CNTN4: variants seen among roughly 807,000 people sequenced by gnomAD.
The protein encoded by CNTN4 is contactin 4.
In CNTN4, 77 loss-of-function variants were observed where a neutral mutation model predicts 122.5. The observed-to-expected ratio is 0.63, with a 90% CI of 0.52 to 0.76. The LOEUF is 0.76. Among genes scored for constraint, CNTN4 ranks in the 30% least tolerant of loss-of-function variants. The pLI, the probability that CNTN4 is intolerant of heterozygous loss-of-function variation, is 0.00. For missense variants in CNTN4, 1,256 were observed against 1,259.1 expected (o/e 1.00, Z 0.04); for synonymous variants, 512 against 447.0 (o/e 1.15, Z -1.83).
intron 6 of CNTN4, among the ~76,000 whole-genome samples, chr3:2,757,181 T>C (rs540205922): frequency 6.6e-6 from 1 of 152,312 alleles, no homozygotes; most frequent in East Asian, 1.9e-4. Flanking sequence ...TTTTGAACTT[T>C]ATAAAGTATG....
chr3:2,230,858 C>A (rs2039458503), intron 2 of CNTN4, among the ~76,000 whole-genome samples: 1 of 151,936 alleles, frequency 6.6e-6, no homozygotes, highest in Non-Finnish European at 1.5e-5. Flanking sequence ...CATGGTGGTG[C>A]ACGCCTCTAG....
chr3:3,000,122 G>C (rs1695892876), intron 14 of CNTN4, among the ~76,000 whole-genome samples: 1 of 151,988 alleles, frequency 6.6e-6, no homozygotes. Context: ...TTTAGTGTCA[G>C]GTTGTGATAG....
Position 2,302,617 on chromosome 3 carries a change from A to T in CNTN4, c.-144-36561A>T, listed in dbSNP as rs182024641. Among the ~76,000 whole-genome samples the T allele has an allele frequency of 1.4e-4, 22 of 152,326 alleles. No individual in the cohort carries two copies. The East Asian group carries it at 1.5e-3, about 11-fold the overall frequency. ...TAATGCTCCCGCCTGAAAATCTGTG[A>T]GCCAGATAGTAATAATTAACTTCTA... On this transcript the variant is annotated intron_variant, in intron 2 of 24. Coordinates refer to ENST00000418658, the MANE Select transcript of CNTN4 (RefSeq NM_175607.3).
At chr3:2,281,738 GT>G (rs2041723145) in intron 2 of CNTN4, among the ~76,000 whole-genome samples, 1 of 151,876 alleles carries the variant, frequency 6.6e-6, no homozygotes, top group Admixed American at 6.6e-5. Flanking sequence ...TTACCTTTTT[GT>G]TTATCGTAGT....
chr3:2,586,625 C>T (rs149863711), intron 4 of CNTN4, among the ~76,000 whole-genome samples: 1,534 of 152,294 alleles, frequency 0.01, 11 homozygotes, highest in Non-Finnish European at 0.015. Flanking sequence ...AGTCCCTGTG[C>T]GGAAACTCAA....
At chr3:2,774,039 C>T (rs1350333278) in intron 6 of CNTN4, among the ~76,000 whole-genome samples, 1 of 152,146 alleles carries the variant, frequency 6.6e-6, no homozygotes, top group African/African-American at 2.4e-5. Flanking sequence ...GCATTACAGG[C>T]ATAAGCCACC....
intron 2 of CNTN4, among the ~76,000 whole-genome samples, chr3:2,172,932 A>C (rs1199048913): frequency 6.6e-6 from 1 of 152,176 alleles, no homozygotes; most frequent in Non-Finnish European, 1.5e-5. Flanking sequence ...AAGAAAGGCA[A>C]AGATGATTGA....
rs182246943 is a variant in CNTN4, at chr3:2,135,250, C to T, written c.-145+34611C>T. Among the ~76,000 whole-genome samples the T allele has an allele frequency of 2.7e-3, 408 of 151,986 alleles. 4 individuals carry two copies. The highest frequency in any genetic ancestry group is 9.2e-3 in the African/African-American group (380 of 41,412). On this transcript the variant is annotated intron_variant, in intron 2 of 24. Transcript: ENST00000418658. Reference sequence around the variant, plus strand: ...AGGGCATGAACATAGGATAAAAGCTCGAGACAGGAAGAGATGGGGTTAAAA... The same window carrying T: ...AGGGCATGAACATAGGATAAAAGCTTGAGACAGGAAGAGATGGGGTTAAAA...
At chr3:2,169,119 G>C (rs1027550045) in intron 2 of CNTN4, among the ~76,000 whole-genome samples, 3 of 152,026 alleles carry the variant, frequency 2.0e-5, no homozygotes, top group Non-Finnish European at 4.4e-5. Flanking sequence ...TTTTAGAAAG[G>C]CTGTACGAAG....
At chr3:2,748,412 T>A (rs1456264165) in intron 6 of CNTN4, among the ~76,000 whole-genome samples, 1 of 142,552 alleles carries the variant, frequency 7.0e-6, no homozygotes, top group Admixed American at 6.9e-5. Flanking sequence ...GAAATTGCTT[T>A]AAGTCTTTTT....
chr3:2,580,897 G>A (rs2079905502), intron 4 of CNTN4, among the ~76,000 whole-genome samples: 3 of 152,208 alleles, frequency 2.0e-5, no homozygotes, highest in African/African-American at 7.2e-5. Context: ...ACCAGAGCTT[G>A]TAGAAGTCCA....
At chr3:2,878,832 C>CA (rs1279908335) in intron 8 of CNTN4, among the ~76,000 whole-genome samples, 1 of 151,960 alleles carries the variant, frequency 6.6e-6, no homozygotes, top group African/African-American at 2.4e-5. Context: ...CATGAATAAA[C>CA]AAGAGAATTA....
At chr3:2,388,846 A>G (rs1474468377) in intron 3 of CNTN4, among the ~76,000 whole-genome samples, 1 of 151,200 alleles carries the variant, frequency 6.6e-6, no homozygotes, top group Non-Finnish European at 1.5e-5. Flanking sequence ...TTCTGTCTCA[A>G]ACAAAAAACA....
At chr3:2,556,016 G>A (rs766907713) in intron 3 of CNTN4, among the ~76,000 whole-genome samples, 11 of 152,106 alleles carry the variant, frequency 7.2e-5, no homozygotes, top group Non-Finnish European at 1.2e-4. Flanking sequence ...GAAACCAAGA[G>A]CTACGTAATG....
chr3:2,182,489 A>C (rs940972804), intron 2 of CNTN4, among the ~76,000 whole-genome samples: 1 of 152,148 alleles, frequency 6.6e-6, no homozygotes, highest in Non-Finnish European at 1.5e-5. Flanking sequence ...CTTTTCATTA[A>C]TAAATAGCCA....
chr3:2,573,146 C>A (rs549897585), intron 4 of CNTN4, among the ~76,000 whole-genome samples: 2 of 152,244 alleles, frequency 1.3e-5, no homozygotes, highest in East Asian at 1.9e-4. Context: ...AGCGTATGGT[C>A]TTTTAGTTGT....
chr3:3,028,770 G>C (rs150039534), intron 15 of CNTN4, among the ~76,000 whole-genome samples: 1 of 152,132 alleles, frequency 6.6e-6, no homozygotes, highest in Non-Finnish European at 1.5e-5. Context: ...TACTTGCAAA[G>C]TGCCTAATCA....
chr3:2,167,292 A>G (rs890805486), intron 2 of CNTN4, among the ~76,000 whole-genome samples: 1 of 152,212 alleles, frequency 6.6e-6, no homozygotes, highest in African/African-American at 2.4e-5. Flanking sequence ...ACCTCATGGA[A>G]TGAATGGATG....
chr3:2,632,012 C>T (rs375947606), intron 4 of CNTN4, among the ~76,000 whole-genome samples: 54 of 151,996 alleles, frequency 3.6e-4, no homozygotes, highest in African/African-American at 1.1e-3. Flanking sequence ...GATTGCACTA[C>T]TGCACTTCAC....
Sources: allele counts gnomAD v4.1 joint callset (sites outside exome capture counted in the v4.1 genomes callset), GRCh38; gene constraint gnomAD v4.1.1; transcripts MANE v1.5; gene names NCBI Gene and HGNC (gene_info 2026-07-23, HGNC 2026-07-21).